The following DYTN variants were observed in gnomAD, a reference collection of about 807,000 sequenced individuals.
The protein encoded by DYTN is dystrotelin.
In DYTN, 75 loss-of-function variants were observed where a neutral mutation model predicts 69.6. The observed-to-expected ratio is 1.08, with a 90% CI of 0.89 to 1.31. The LOEUF (loss-of-function observed/expected upper bound fraction) is 1.31. DYTN is among the 50% of genes most tolerant of loss of function. The pLI, the probability that DYTN is intolerant of heterozygous loss-of-function variation, is 0.00. For synonymous variants in DYTN, 252 were observed against 249.1 expected (o/e 1.01, Z -0.11); for missense variants, 726 against 688.4 (o/e 1.05, Z -0.61).
intron 3 of DYTN, among the ~76,000 whole-genome samples, chr2:206,706,964 C>A (rs944229206): frequency 5.3e-5 from 8 of 151,160 alleles, no homozygotes; most frequent in African/African-American, 1.9e-4. Flanking sequence ...CTAGCAGTAG[C>A]AAGAACTAAG....
At chr2:206,672,200 G>A (rs557441985) in intron 9 of DYTN, among the ~76,000 whole-genome samples, 4 of 152,060 alleles carry the variant, frequency 2.6e-5, no homozygotes, top group South Asian at 2.1e-4. Context: ...CTTCTTATAC[G>A]TCAAACAGAT....
In DYTN at chr2:206,699,822, C is replaced by T. The variant is rs116493063; in HGVS notation, c.624G>A (p.Leu208=). The T allele has an allele frequency of 1.2e-6, 2 of 1,613,880 alleles. No homozygotes were observed. The highest frequency in any genetic ancestry group is 2.2e-5 in the South Asian group (2 of 91,078). Residue 208 remains leucine (L), a synonymous_variant, in exon 7 of 12, where the codon CTG becomes CTA. Coordinates refer to ENST00000452335, the MANE Select transcript of DYTN (RefSeq NM_001093730.1). ...ATAACCGGTGGCAGGTCGGGAGCCA[C>T]AGGAGGATGGGAGGCTCAGATTGGA... ...SWVQSEPPIL[L]WLPTCHRLSA...
At chr2:206,687,336 C>T (rs1699822645) in intron 9 of DYTN, 1 of 153,452 alleles carries the variant, frequency 6.5e-6, no homozygotes, top group Non-Finnish European at 1.5e-5. Flanking sequence ...ACTATTTGCT[C>T]TTCCATCTTG....
intron 8 of DYTN, 68 bp downstream of exon 8, chr2:206,694,698 T>A (rs1340803243): frequency 2.3e-6 from 3 of 1,316,612 alleles, no homozygotes; most frequent in Admixed American, 2.6e-5. Context: ...GGAGGGAAGG[T>A]TTTTTCATGG....
chr2:206,705,938 G>C, intron 3 of DYTN, 65 bp from the exon 4 acceptor site: 1 of 1,542,078 alleles, frequency 6.5e-7, no homozygotes, highest in South Asian at 1.2e-5. Context: ...TGTAATGGAT[G>C]ATAAAAACCA....
intron 1 of DYTN, 124 bp from the exon 2 acceptor site, chr2:206,710,722 TA>T: frequency 1.4e-6 from 1 of 705,638 alleles, no homozygotes; most frequent in Non-Finnish European, 2.2e-6. Flanking sequence ...AATTAAGGTT[TA>T]GAGCTCTTTT....
chr2:206,663,418 A>G (rs375456209), intron 10 of DYTN, 23 bp from the exon 11 acceptor site: 1 of 1,542,572 alleles, frequency 6.5e-7, no homozygotes, highest in African/African-American at 1.4e-5. Flanking sequence ...AACTTTATTT[A>G]TGAAGAAATT....
At chr2:206,675,244 A>ATAAACATATATATGTATATATGTAT (rs1699673441) in intron 9 of DYTN, among the ~76,000 whole-genome samples, 1 of 146,130 alleles carries the variant, frequency 6.8e-6, no homozygotes, top group Admixed American at 6.9e-5. Flanking sequence ...TATATATGTA[A>ATAAACATATATATGTATATATGTAT]ATAAACATAT....
At chr2:206,710,327 A>G (rs1700068206) in intron 2 of DYTN, among the ~76,000 whole-genome samples, 197 bp downstream of exon 2, 1 of 152,228 alleles carries the variant, frequency 6.6e-6, no homozygotes, top group African/African-American at 2.4e-5. Context: ...CTCATCAGCA[A>G]AACTACACAT....
intron 1 of DYTN, among the ~76,000 whole-genome samples, chr2:206,712,777 G>A (rs1013943458): frequency 1.3e-5 from 2 of 152,198 alleles, no homozygotes; most frequent in Admixed American, 1.3e-4. Flanking sequence ...TTCCATGGGG[G>A]CATGTGGCCC....
At chr2:206,670,059 T>C (rs528877470) in intron 9 of DYTN, among the ~76,000 whole-genome samples, 2 of 152,326 alleles carry the variant, frequency 1.3e-5, no homozygotes, top group African/African-American at 2.4e-5. Context: ...AGATGATTAG[T>C]TCCTTAAGAC....
chr2:206,659,506 A>C lies in DYTN; in HGVS notation c.1633+3397T>G, dbSNP rs548691097. The stretch of plus-strand genomic sequence containing the variant: ...TCTCAAAAAAAAAAAAAAAAAAAAA[A>C]AAAAACTGGATCGGTAGGGTGATTA... On this transcript the variant is annotated intron_variant, in intron 11 of 11. Transcript: ENST00000452335. Among the ~76,000 whole-genome samples the C allele has an allele frequency of 2.0e-3, 292 of 142,602 alleles. 2 individuals carry two copies. Among genetic ancestry groups the C allele is most frequent in the Admixed American group, 3.6e-3 (51 of 14,120 alleles). 93.6% of individuals were successfully genotyped at this position (142,602 alleles called of 152,430 possible).
At chr2:206,674,954 A>G (rs1348964272) in intron 9 of DYTN, among the ~76,000 whole-genome samples, 4 of 151,876 alleles carry the variant, frequency 2.6e-5, no homozygotes, top group Admixed American at 6.6e-5. Context: ...GAAAAGCACT[A>G]GAGAAATGCC....
chr2:206,655,380 G>A (rs1156272193), intron 11 of DYTN, among the ~76,000 whole-genome samples: 1 of 151,444 alleles, frequency 6.6e-6, no homozygotes, highest in African/African-American at 2.4e-5. Flanking sequence ...TGAGTAGCTA[G>A]GATTATAGGC....
At chr2:206,681,391 C>G (rs1022414911) in intron 9 of DYTN, among the ~76,000 whole-genome samples, 2 of 152,070 alleles carry the variant, frequency 1.3e-5, no homozygotes, top group Non-Finnish European at 2.9e-5. Context: ...ATTGAGCTGG[C>G]CAGAACTTCT....
At chr2:206,691,765 C>T (rs1226425213) in intron 9 of DYTN, among the ~76,000 whole-genome samples, 3 of 151,786 alleles carry the variant, frequency 2.0e-5, no homozygotes, top group Admixed American at 2.0e-4. Flanking sequence ...TTTAAAGAGC[C>T]ATAAAAACAT....
rs530704468 is a variant in DYTN, at chr2:206,715,609, C to T, written c.19+2652G>A. 3.9e-5 allele frequency among the ~76,000 whole-genome samples: 6 copies of T among 152,272 alleles called. No homozygotes were observed. In the East Asian group the frequency reaches 1.2e-3, roughly 29 times the overall value. On this transcript the variant is annotated intron_variant, in intron 1 of 11. Transcript: ENST00000452335. ...TGAGGGAGAATGTTTAACCCTTTCCCCTTAAACACTCTCTGTAAAATCAAT... is the reference window on the plus strand; with the variant it reads ...TGAGGGAGAATGTTTAACCCTTTCCTCTTAAACACTCTCTGTAAAATCAAT...
intron 9 of DYTN, among the ~76,000 whole-genome samples, chr2:206,669,463 A>G (rs1353759337): frequency 6.6e-6 from 1 of 152,240 alleles, no homozygotes; most frequent in East Asian, 1.9e-4. Context: ...ACAGGAACAA[A>G]GATGGAGCTT....
intron 1 of DYTN, among the ~76,000 whole-genome samples, chr2:206,714,362 C>T (rs1253355096): frequency 2.0e-5 from 3 of 152,104 alleles, no homozygotes; most frequent in Non-Finnish European, 2.9e-5. Flanking sequence ...ACCACCACGC[C>T]CGGCTAATTT....
Sources: allele counts gnomAD v4.1 joint callset (sites outside exome capture counted in the v4.1 genomes callset), GRCh38; gene constraint gnomAD v4.1.1; transcripts MANE v1.5; gene names NCBI Gene and HGNC (gene_info 2026-07-23, HGNC 2026-07-21).